TMEM19: variants seen among roughly 807,000 people sequenced by gnomAD.
TMEM19 encodes transmembrane protein 19.
Under a neutral mutation model 33.6 loss-of-function variants are expected in TMEM19, and 21 were observed. That is an observed-to-expected ratio of 0.62 (90% CI 0.44 to 0.90). TMEM19 has a LOEUF of 0.90. TMEM19 is among the 40% of genes least tolerant of loss of function. The pLI is 0.00. For missense variants in TMEM19, 402 were observed against 401.8 expected (o/e 1.00, Z 0.00); for synonymous variants, 149 against 147.5 (o/e 1.01, Z -0.07).
At chr12:71,695,161 A>T (rs1881849034) in intron 2 of TMEM19, among the ~76,000 whole-genome samples, 1 of 152,258 alleles carries the variant, frequency 6.6e-6, no homozygotes, top group South Asian at 2.1e-4. Flanking sequence ...AGACATAGGT[A>T]GGAGTTGCCA....
intron 1 of TMEM19, among the ~76,000 whole-genome samples, 180 bp downstream of exon 1, chr12:71,686,990 C>T (rs184091852): frequency 6.6e-6 from 1 of 151,606 alleles, no homozygotes; most frequent in African/African-American, 2.4e-5. Flanking sequence ...TTAATAAATG[C>T]TTGTTGTGAT....
rs1212049165 is a variant in TMEM19 at position 71,703,395 on chromosome 12, A to G, written c.*2400A>G. ...TAATGACACAGTGTCTTACAGCTAC[A>G]TCATTTATAAAATCATGTGTCAGTT... On this transcript the variant is annotated 3_prime_UTR_variant, in exon 6 of 6. Transcript: ENST00000266673. 6.6e-6 allele frequency: 1 copy of G among 152,096 alleles called. No individual in the cohort carries two copies. The highest frequency in any genetic ancestry group is 1.5e-5 in the Non-Finnish European group (1 of 68,074). 9.4% of individuals were successfully genotyped at this position (152,096 alleles called of 1,614,324 possible).
In TMEM19 at chr12:71,688,733, A is replaced by G. The variant is rs933354816; in HGVS notation, c.131-858A>G. Among the ~76,000 whole-genome samples, 17 of 152,336 alleles carry G rather than the reference A, an allele frequency of 1.1e-4. 1 individual carries two copies. The highest frequency in any genetic ancestry group is 7.2e-4 in the Admixed American group (11 of 15,304). ...ATGTTGGCCAGAACTTCCCAATTTT[A>G]AAACAGAAGCCAAGAATCTGGATTT... On this transcript the variant is annotated intron_variant, in intron 1 of 5. Transcript: ENST00000266673.
intron 2 of TMEM19, chr12:71,690,476 A>G (rs1331532106): frequency 2.0e-5 from 3 of 152,140 alleles, no homozygotes; most frequent in African/African-American, 4.8e-5. Context: ...ATTTTTATTG[A>G]ACACTTACTG....
At position 71,686,827 on chromosome 12, in the gene TMEM19, T is replaced by G; in HGVS notation, c.130+17T>G. ...CCTATTATGGTAAGTCTGAGTGTTC[T>G]AAGTTGTTTCTCTGTAATCTAGTCA... On this transcript the variant is annotated intron_variant, in intron 1 of 5. Coordinates refer to ENST00000266673, the MANE Select transcript of TMEM19 (RefSeq NM_018279.4). The G allele has an allele frequency of 1.0e-5, 16 of 1,587,338 alleles. No individual in the cohort carries two copies. The highest frequency in any genetic ancestry group is 1.4e-5 in the Non-Finnish European group (16 of 1,170,086).
At chr12:71,696,713 C>T (rs1195567262) in intron 3 of TMEM19, 140 bp downstream of exon 3, 2 of 677,906 alleles carry the variant, frequency 3.0e-6, no homozygotes, top group East Asian at 3.2e-5. Flanking sequence ...CTGGCGCAAT[C>T]TCGGCTCGCT....
chr12:71,688,324 T>C (rs766008778), intron 1 of TMEM19, among the ~76,000 whole-genome samples: 3 of 152,138 alleles, frequency 2.0e-5, no homozygotes, highest in Non-Finnish European at 4.4e-5. Context: ...CTGCAACCTC[T>C]GCCTTCTGGT....
intron 1 of TMEM19, 84 bp downstream of exon 1, chr12:71,686,894 A>G (rs943581222): frequency 1.5e-6 from 2 of 1,368,460 alleles, no homozygotes; most frequent in Non-Finnish European, 2.0e-6. Context: ...CAAAACTCAT[A>G]TCCTCTGAAT....
chr12:71,696,995 A>G (rs1033066893), intron 3 of TMEM19, among the ~76,000 whole-genome samples: 5 of 152,140 alleles, frequency 3.3e-5, no homozygotes, highest in African/African-American at 9.7e-5. Context: ...AAACACATCA[A>G]TTTTATATGA....
At chr12:71,688,024 G>T (rs568101351) in intron 1 of TMEM19, among the ~76,000 whole-genome samples, 1 of 152,288 alleles carries the variant, frequency 6.6e-6, no homozygotes, top group South Asian at 2.1e-4. Flanking sequence ...AGGGGTGTAA[G>T]AAAAGATTCT....
chr12:71,689,705 G>A lies in TMEM19; in HGVS notation c.244+1G>A. The A allele has an allele frequency of 6.2e-7, 1 of 1,601,102 alleles. No homozygotes were observed. Among genetic ancestry groups the A allele is most frequent in the African/African-American group, 1.3e-5 (1 of 74,498 alleles). ...CTAGATCACAGTGGGGCTCTAGGAG[G>A]TATGTTTTTATTTTGAATGTTTACA... On this transcript the variant is annotated splice_donor_variant, in intron 2 of 5. Coordinates refer to ENST00000266673, the MANE Select transcript of TMEM19 (RefSeq NM_018279.4). LOFTEE classifies it high-confidence loss of function.
chr12:71,689,657 C>G lies in TMEM19; in HGVS notation c.197C>G (p.Ser66Cys). Reference protein sequence around the residue: ...FSVVVPVLIVSNGLKKKSLDH... With the variant: ...FSVVVPVLIVCNGLKKKSLDH... ...GTTGTTGTTCCTGTTCTGATCGTCT[C>G]TAATGGCCTTAAAAAGAAAAGTCTA... is the stretch of plus-strand genomic sequence containing the variant. The change falls in exon 2 of 6, where the codon TCT (serine) becomes TGT (cysteine). Residue 66 changes from serine (S) to cysteine (C), a missense_variant. Transcript: ENST00000266673. 1 of 1,614,100 alleles carries G rather than the reference C, an allele frequency of 6.2e-7. No individual in the cohort carries two copies. The highest frequency in any genetic ancestry group is 8.5e-7 in the Non-Finnish European group (1 of 1,180,008).
chr12:71,689,612 C>T lies in TMEM19; in HGVS notation c.152C>T (p.Pro51Leu), dbSNP rs373199946. Residue 51 changes from proline to leucine, a missense_variant, in exon 2 of 6, where the codon CCG becomes CTG. Coordinates refer to ENST00000266673, the MANE Select transcript of TMEM19 (RefSeq NM_018279.4). ...TCAGGTAACTTACGACCTATTTCTC[C>T]GTGGCGTTGGCTGTTTTCTGTTGTT... ...TYYGNLRPIS[P>L]WRWLFSVVVP... 2.2e-5 allele frequency: 36 copies of T among 1,613,944 alleles called. No homozygotes were observed. The Admixed American group carries it at 2.3e-4, about 10-fold the overall frequency.
In TMEM19 at chr12:71,697,380, C is replaced by G; in HGVS notation, c.483C>G (p.Val161=). The G allele has an allele frequency of 6.2e-7, 1 of 1,611,220 alleles. No homozygotes were observed. Among genetic ancestry groups the G allele is most frequent in the Non-Finnish European group, 8.5e-7 (1 of 1,178,912 alleles). The change falls in exon 4 of 6, where the codon GTC becomes GTG. Residue 161 remains valine, a synonymous_variant. Transcript: ENST00000266673. ...MIENGPGEIP[V]DFSKQYSASW... ...AAAATGGCCCCGGGGAAATCCCAGT[C>G]GATTTTTCCAAGCAGTACTCCGCTT...
At chr12:71,688,951 A>C (rs1881738383) in intron 1 of TMEM19, among the ~76,000 whole-genome samples, 1 of 152,126 alleles carries the variant, frequency 6.6e-6, no homozygotes, top group African/African-American at 2.4e-5. Flanking sequence ...TAGTCCTTGA[A>C]ATTTAATACG....
chr12:71,699,205 C>T (rs754839963), intron 5 of TMEM19, 96 bp downstream of exon 5: 15 of 1,364,836 alleles, frequency 1.1e-5, no homozygotes, highest in Non-Finnish European at 1.6e-5. Flanking sequence ...AATCCAAAGA[C>T]ACAGGGTGTT....
intron 4 of TMEM19, among the ~76,000 whole-genome samples, chr12:71,698,243 T>C (rs1881910466): frequency 6.6e-6 from 1 of 152,184 alleles, no homozygotes; most frequent in African/African-American, 2.4e-5. Flanking sequence ...TCCTCCTTTT[T>C]TTTCTCCTCT....
At chr12:71,696,202 A>G (rs754329885) in intron 2 of TMEM19, among the ~76,000 whole-genome samples, 6 of 152,162 alleles carry the variant, frequency 3.9e-5, no homozygotes, top group Non-Finnish European at 8.8e-5. Flanking sequence ...TATCTAAAAT[A>G]TTATCTTACA....
At position 71,704,265 on chromosome 12, in the gene TMEM19, T is replaced by C. The variant is rs191859127; in HGVS notation, c.*3270T>C. The stretch of plus-strand genomic sequence containing the variant: ...AGTTATCTGTTTCTCACATATATCT[T>C]TCCTGTTTCTAGCTGCTGTACACAT... On this transcript the variant is annotated 3_prime_UTR_variant, in exon 6 of 6. Coordinates refer to ENST00000266673, the MANE Select transcript of TMEM19 (RefSeq NM_018279.4). The C allele has an allele frequency of 9.1e-5, 17 of 185,910 alleles. 1 individual carries two copies. Among genetic ancestry groups the C allele is most frequent in the Admixed American group, 7.8e-4 (14 of 17,908 alleles). 11.5% of individuals were successfully genotyped at this position (185,910 alleles called of 1,614,324 possible). A position where few individuals can be genotyped will look rare whatever the true frequency, so the allele number is the denominator to read the frequency against.
Sources: gnomAD v4.1 joint callset for allele counts (sites outside exome capture counted in the v4.1 genomes callset) on GRCh38, gnomAD v4.1.1 for gene constraint, MANE v1.5 for transcripts, NCBI Gene and HGNC (gene_info 2026-07-23, HGNC 2026-07-21) for gene names.